Variants in SPAG1 observed in about 807,000 individuals in gnomAD.
SPAG1 encodes sperm associated antigen 1.
In SPAG1, 69 loss-of-function variants were observed where a neutral mutation model predicts 100.5. The observed-to-expected ratio is 0.69, with a 90% CI of 0.57 to 0.84. The LOEUF is 0.84. Ranked by LOEUF, SPAG1 falls within the 40% of genes least tolerant of loss-of-function variation. The pLI is 0.00. For synonymous variants in SPAG1, 336 were observed against 411.6 expected (o/e 0.82, Z 2.22); for missense variants, 955 against 1,133.1 (o/e 0.84, Z 2.26).
chr8:100,199,214 C>G (rs1388873035), intron 10 of SPAG1, among the ~76,000 whole-genome samples: 1 of 152,234 alleles, frequency 6.6e-6, no homozygotes, highest in Non-Finnish European at 1.5e-5. Context: ...AAGTAGCTAT[C>G]CCATTTTACA....
At chr8:100,188,263 C>T (rs1283896192) in intron 8 of SPAG1, among the ~76,000 whole-genome samples, 3 of 151,990 alleles carry the variant, frequency 2.0e-5, no homozygotes, top group East Asian at 1.9e-4. Flanking sequence ...GTGATCCTCC[C>T]ACCTCAGCCT....
At position 100,213,368 on chromosome 8, in the gene SPAG1, G is replaced by C. The variant is rs926550317; in HGVS notation, c.1375G>C (p.Gly459Arg). Residue 459 changes from glycine (G) to arginine (R), a missense_variant, in exon 11 of 19, where the codon GGG (glycine) becomes CGG (arginine). Gly to Arg is a moderately radical substitution (Grantham distance 125, BLOSUM62 -2). Transcript: ENST00000388798. ...KSQGNELFRS[G>R]QFAEAAGKYS... ...CCAGGGCAACGAGCTGTTCCGAAGC[G>C]GGCAGTTCGCCGAGGCGGCCGGCAA... 6.9e-7 allele frequency: 1 copy of C among 1,450,640 alleles called. No individual in the cohort carries two copies. The highest frequency in any genetic ancestry group is 9.1e-7 in the Non-Finnish European group (1 of 1,099,972). The allele number at this position is 1,450,640 out of a possible 1,614,324, so 89.9% of individuals were successfully genotyped here. A position where few individuals can be genotyped will look rare whatever the true frequency, so the allele number is the denominator to read the frequency against.
intron 14 of SPAG1, among the ~76,000 whole-genome samples, chr8:100,227,065 A>G (rs941467360): frequency 1.3e-5 from 2 of 152,236 alleles, no homozygotes; most frequent in African/African-American, 4.8e-5. Context: ...GCCTGGATAT[A>G]TGGTAGGCTA....
intron 12 of SPAG1, 97 bp from the exon 13 acceptor site, chr8:100,220,182 T>G: frequency 1.9e-6 from 2 of 1,029,064 alleles, no homozygotes; most frequent in South Asian, 1.7e-5. Flanking sequence ...GATGTGTACA[T>G]ATTTGAGAGT....
intron 15 of SPAG1, among the ~76,000 whole-genome samples, chr8:100,232,465 T>A (rs1280090116): frequency 6.6e-6 from 1 of 152,124 alleles, no homozygotes; most frequent in Non-Finnish European, 1.5e-5. Context: ...ACTGAAGCGC[T>A]CCCCATCTCT....
At chr8:100,169,296 A>G (rs1374590823) in intron 3 of SPAG1, among the ~76,000 whole-genome samples, 1 of 152,184 alleles carries the variant, frequency 6.6e-6, no homozygotes, top group African/African-American at 2.4e-5. Context: ...GCGCATGCCT[A>G]CAGTCCCAGT....
intron 2 of SPAG1, among the ~76,000 whole-genome samples, chr8:100,163,805 G>C (rs1190875188): frequency 6.6e-6 from 1 of 151,990 alleles, no homozygotes; most frequent in African/African-American, 2.4e-5. Flanking sequence ...TTTTTTAGCA[G>C]AATATTATCA....
intron 16 of SPAG1, among the ~76,000 whole-genome samples, chr8:100,237,658 G>A (rs902654775): frequency 6.6e-6 from 1 of 152,168 alleles, no homozygotes; most frequent in African/African-American, 2.4e-5. Context: ...GAGACCATCT[G>A]TGAAGTGAAT....
At chr8:100,158,914 T>C (rs1563763994) in intron 1 of SPAG1, 1 of 150,714 alleles carries the variant, frequency 6.6e-6, no homozygotes, top group Non-Finnish European at 1.5e-5. Context: ...TGTTCAGTTA[T>C]AGATCCACCT....
At chr8:100,231,385 A>G (rs1056661286) in intron 15 of SPAG1, 97 bp downstream of exon 15, 16 of 842,272 alleles carry the variant, frequency 1.9e-5, no homozygotes, top group Admixed American at 2.9e-5. Context: ...GTAATTGCCA[A>G]AGTTTTTTGT....
rs151290481 is a variant in SPAG1, at chr8:100,199,481, T to C, written c.1096+5213T>C. Among the ~76,000 whole-genome samples, 58 of 152,364 alleles carry C rather than the reference T, an allele frequency of 3.8e-4. 1 individual carries two copies. In the East Asian group the frequency reaches 8.1e-3, roughly 21 times the overall value. ...TGTTGTTGAGATGGATTTTCACTCT[T>C]GTTGCCCAGGCTGGAGTGCAATGGC... On this transcript the variant is annotated intron_variant, in intron 10 of 18. Transcript: ENST00000388798.
chr8:100,225,553 G>A (rs753994620), intron 14 of SPAG1, among the ~76,000 whole-genome samples: 8 of 151,848 alleles, frequency 5.3e-5, no homozygotes, highest in Non-Finnish European at 8.8e-5. Flanking sequence ...CTGCTTCCTG[G>A]GTTCAAGCAA....
At chr8:100,215,747 A>C (rs924091881) in intron 12 of SPAG1, among the ~76,000 whole-genome samples, 7 of 152,082 alleles carry the variant, frequency 4.6e-5, no homozygotes, top group Non-Finnish European at 1.0e-4. Flanking sequence ...AATGGCCTTG[A>C]TCTCCTGACC....
intron 10 of SPAG1, among the ~76,000 whole-genome samples, chr8:100,201,357 T>A (rs1333253077): frequency 1.3e-5 from 2 of 152,224 alleles, no homozygotes; most frequent in Admixed American, 1.3e-4. Context: ...ACCCCTGGGC[T>A]CAAGACATTC....
intron 10 of SPAG1, among the ~76,000 whole-genome samples, chr8:100,201,108 T>C (rs1817258486): frequency 6.6e-6 from 1 of 151,646 alleles, no homozygotes; most frequent in South Asian, 2.1e-4. Context: ...TTCTTTTTCC[T>C]TCCTTCCTTC....
intron 3 of SPAG1, among the ~76,000 whole-genome samples, chr8:100,170,343 T>C (rs1322448636): frequency 6.6e-6 from 1 of 152,232 alleles, no homozygotes; most frequent in African/African-American, 2.4e-5. Flanking sequence ...TTGCTCATCC[T>C]GTCATCTCAG....
At chr8:100,227,841 A>ATTTTTT (rs34049816) in intron 14 of SPAG1, among the ~76,000 whole-genome samples, 13 of 103,766 alleles carry the variant, frequency 1.3e-4, no homozygotes, top group African/African-American at 2.8e-4. Flanking sequence ...ATTGTGTCAG[A>ATTTTTT]TTTTTTTTTT....
intron 8 of SPAG1, among the ~76,000 whole-genome samples, chr8:100,187,836 T>C (rs1224677818): frequency 1.3e-5 from 2 of 152,144 alleles, no homozygotes; most frequent in Non-Finnish European, 2.9e-5. Context: ...TAGGTGGCTA[T>C]ATATAATTTT....
At chr8:100,169,097 T>A (rs1239182076) in intron 3 of SPAG1, among the ~76,000 whole-genome samples, 1 of 152,212 alleles carries the variant, frequency 6.6e-6, no homozygotes, top group Non-Finnish European at 1.5e-5. Context: ...AATCTTTGTT[T>A]AATCCAGGAC....
Sources: gnomAD v4.1 joint callset for allele counts (sites outside exome capture counted in the v4.1 genomes callset) on GRCh38, gnomAD v4.1.1 for gene constraint, MANE v1.5 for transcripts, NCBI Gene and HGNC (gene_info 2026-07-23, HGNC 2026-07-21) for gene names.